KIAA1217: variants seen among roughly 807,000 people sequenced by gnomAD.
KIAA1217 encodes KIAA1217, also known as sickle tail protein homolog.
Under a neutral mutation model 163.9 loss-of-function variants are expected in KIAA1217, and 88 were observed. The ratio of observed to expected loss-of-function variants is 0.54; its 90% confidence interval spans 0.45 to 0.64. The LOEUF is 0.64. Among genes scored for constraint, KIAA1217 ranks in the 30% least tolerant of loss-of-function variants. The pLI, the probability that KIAA1217 is intolerant of heterozygous loss-of-function variation, is 0.00. For synonymous variants in KIAA1217, 903 were observed against 923.1 expected, an observed-to-expected ratio of 0.98 and a Z score of 0.39; for missense variants, 2,372 against 2,475.0, an observed-to-expected ratio of 0.96 and a Z score of 0.88.
chr10:24,041,070 T>A (rs1848609493), intron 2 of KIAA1217, among the ~76,000 whole-genome samples: 2 of 152,378 alleles, frequency 1.3e-5, no homozygotes, highest in Middle Eastern at 3.4e-3. Flanking sequence ...GATAAAGTGC[T>A]AAGTAGCTTC....
At chr10:24,135,883 A>G (rs2063814845) in intron 2 of KIAA1217, among the ~76,000 whole-genome samples, 1 of 152,226 alleles carries the variant, frequency 6.6e-6, no homozygotes, top group Admixed American at 6.5e-5. Flanking sequence ...CAGACATATA[A>G]GTAAGTAAAA....
At chr10:24,300,545 G>T (rs534996823) in intron 2 of KIAA1217, among the ~76,000 whole-genome samples, 27 of 152,162 alleles carry the variant, frequency 1.8e-4, no homozygotes, top group Admixed American at 1.2e-3. Flanking sequence ...ACGCTGTTCT[G>T]TGCATTTTGG....
intron 2 of KIAA1217, among the ~76,000 whole-genome samples, chr10:24,135,132 G>A (rs1358232360): frequency 6.6e-6 from 1 of 152,090 alleles, no homozygotes; most frequent in Non-Finnish European, 1.5e-5. Context: ...CATCTGTAAG[G>A]TGGTAATAAT....
At chr10:24,328,422 A>T (rs2045227314) in intron 2 of KIAA1217, among the ~76,000 whole-genome samples, 1 of 151,930 alleles carries the variant, frequency 6.6e-6, no homozygotes, top group Non-Finnish European at 1.5e-5. Context: ...GGGAGGCCTG[A>T]TGGTTTCCTG....
intron 1 of KIAA1217, among the ~76,000 whole-genome samples, chr10:23,893,747 A>G (rs983895811): frequency 6.6e-6 from 1 of 152,090 alleles, no homozygotes; most frequent in African/African-American, 2.4e-5. Flanking sequence ...TCAATAAAAT[A>G]CTGGCAAACC....
chr10:24,109,457 C>T (rs1219131336), intron 2 of KIAA1217, among the ~76,000 whole-genome samples: 1 of 151,688 alleles, frequency 6.6e-6, no homozygotes, highest in Admixed American at 6.6e-5. Context: ...GATTTATGAT[C>T]TTTGTACGGC....
chr10:24,200,051 C>T (rs888141940), intron 2 of KIAA1217, among the ~76,000 whole-genome samples: 1 of 152,018 alleles, frequency 6.6e-6, no homozygotes, highest in East Asian at 1.9e-4. Flanking sequence ...CCCCCCCATG[C>T]ACCCCTGCCC....
intron 2 of KIAA1217, among the ~76,000 whole-genome samples, chr10:24,017,045 T>A (rs1004106685): frequency 4.0e-5 from 6 of 150,942 alleles, no homozygotes; most frequent in African/African-American, 1.2e-4. Context: ...TTTTTGTTTT[T>A]TTTTTTTTTT....
intron 1 of KIAA1217, among the ~76,000 whole-genome samples, chr10:23,870,690 G>A (rs1253539813): frequency 6.6e-6 from 1 of 152,090 alleles, no homozygotes; most frequent in Non-Finnish European, 1.5e-5. Flanking sequence ...TTTCATAAAT[G>A]GGAATCCTGA....
At chr10:23,976,062 A>T (rs1173533693) in intron 1 of KIAA1217, among the ~76,000 whole-genome samples, 5 of 152,302 alleles carry the variant, frequency 3.3e-5, no homozygotes, top group Admixed American at 2.0e-4. Flanking sequence ...GCTCAATGTC[A>T]AAACGAAATA....
At chr10:23,897,127 A>G (rs1190079723) in intron 1 of KIAA1217, among the ~76,000 whole-genome samples, 1 of 152,088 alleles carries the variant, frequency 6.6e-6, no homozygotes, top group East Asian at 1.9e-4. Context: ...ATATATTTTA[A>G]GCACTTCATT....
intron 2 of KIAA1217, among the ~76,000 whole-genome samples, chr10:24,108,397 T>A (rs1002442201): frequency 6.6e-6 from 1 of 152,186 alleles, no homozygotes; most frequent in African/African-American, 2.4e-5. Flanking sequence ...AAATAAGGGC[T>A]GGAGGGAAAA....
rs541557957 is a variant in KIAA1217 at position 23,787,449 on chromosome 10, A to T, written c.-321+92215A>T. Among the ~76,000 whole-genome samples the T allele has an allele frequency of 5.3e-5, 8 of 152,272 alleles. No homozygotes were observed. In the South Asian group the frequency reaches 1.7e-3, roughly 32 times the overall value. On this transcript the variant is annotated intron_variant, in intron 1 of 18. Coordinates refer to the KIAA1217 transcript ENST00000376462. ...TAATTCTACAGGTACAGATATTGGT[A>T]AACACAGGGTTCTTCAGGAGCTTGC...
chr10:24,110,958 A>G (rs1243803372), intron 2 of KIAA1217, among the ~76,000 whole-genome samples: 1 of 152,128 alleles, frequency 6.6e-6, no homozygotes, highest in African/African-American at 2.4e-5. Context: ...TTCTTTATGC[A>G]TTCTTATAAC....
chr10:23,932,061 C>T (rs1843275272), intron 1 of KIAA1217, among the ~76,000 whole-genome samples: 2 of 152,128 alleles, frequency 1.3e-5, no homozygotes, highest in Admixed American at 1.3e-4. Flanking sequence ...GAAGAATGCA[C>T]ACCTGGGCTT....
chr10:24,224,767 T>C (rs1315497196), intron 2 of KIAA1217, among the ~76,000 whole-genome samples: 2 of 151,772 alleles, frequency 1.3e-5, no homozygotes, highest in Non-Finnish European at 1.5e-5. Flanking sequence ...GTTTTTAGTG[T>C]CCCAAAGAAG....
intron 1 of KIAA1217, among the ~76,000 whole-genome samples, chr10:23,800,017 G>T (rs11593861): frequency 0.18 from 27,702 of 152,006 alleles, 2,676 homozygotes; most frequent in Middle Eastern, 0.27. Flanking sequence ...AATTTTGTTT[G>T]CTTTGAAACT....
chr10:24,254,877 G>A (rs530752782), intron 2 of KIAA1217, among the ~76,000 whole-genome samples: 52 of 149,404 alleles, frequency 3.5e-4, no homozygotes, highest in African/African-American at 1.2e-3. Flanking sequence ...TTTTTGAGAC[G>A]GAGTCTTACT....
At chr10:24,216,823 T>C (rs186789974) in intron 1 of KIAA1217, among the ~76,000 whole-genome samples, 1 of 130,878 alleles carries the variant, frequency 7.6e-6, no homozygotes, top group Non-Finnish European at 1.6e-5. Context: ...TGAGACTCTG[T>C]GTCCAAAAAA....
Sources: allele counts gnomAD v4.1 joint callset (sites outside exome capture counted in the v4.1 genomes callset), GRCh38; gene constraint gnomAD v4.1.1; transcripts MANE v1.5; gene names NCBI Gene and HGNC (gene_info 2026-07-23, HGNC 2026-07-21).